The following FGD1 variants were observed in gnomAD, a reference collection of about 807,000 sequenced individuals.
FGD1 encodes the protein FYVE, RhoGEF and PH domain-containing protein 1.
In FGD1, 12 loss-of-function variants were observed where a neutral mutation model predicts 65.0. The observed-to-expected ratio is 0.18, with a 90% CI of 0.12 to 0.30. The LOEUF is 0.30. FGD1 is among the 10% of genes least tolerant of loss of function. The probability of loss-of-function intolerance (pLI) is 1.00; values close to 1 mark genes in which losing one functional copy is unlikely to be tolerated. For missense variants in FGD1, 542 were observed against 837.6 expected, an observed-to-expected ratio of 0.65 and a Z score of 4.36; for synonymous variants, 333 against 343.9, an observed-to-expected ratio of 0.97 and a Z score of 0.35.
Position 54,448,499 on chromosome X carries a change from T to A in FGD1, c.2436+307A>T, listed in dbSNP as rs982306914. Among the ~76,000 whole-genome samples the A allele has an allele frequency of 4.5e-5, 5 of 112,244 alleles. No individual in the cohort carries two copies. In the East Asian group the frequency reaches 8.4e-4, roughly 19 times the overall value. ...CTGTGCCCAGCCAATTTTTTAATTT[T>A]AAAAAAATCCAGTGCTGCCACTCAT... is the stretch of plus-strand genomic sequence containing the variant. On this transcript the variant is annotated intron_variant, in intron 16 of 17. Transcript: ENST00000375135.
At chrX:54,483,620 C>T (rs1417764081) in intron 1 of FGD1, among the ~76,000 whole-genome samples, 1 of 112,260 alleles carries the variant, frequency 8.9e-6, no homozygotes, top group African/African-American at 3.2e-5. Context: ...TGCCCTTACT[C>T]TGGGACCCAG....
At chrX:54,488,269 CAAAAAAAAAAAAAAAAAAAA>C (rs57920117) in intron 1 of FGD1, among the ~76,000 whole-genome samples, 2 of 5,464 alleles carry the variant, frequency 3.7e-4, no homozygotes, top group East Asian at 0.022. Flanking sequence ...GACTCAGTCT[CAAAAAAAAAAAAAAAAAAAA>C]AAAAAAAAAA....
rs1199628496 is a variant in FGD1, at chrX:54,488,384, C to G, written c.307+6742G>C. On this transcript the variant is annotated intron_variant, in intron 1 of 17. Coordinates refer to ENST00000375135, the MANE Select transcript of FGD1 (RefSeq NM_004463.3). ...GTGGATCACGAGGTCAGGAGATCAACACCACCCTGGCTAACACGGTGAAAC... is the reference window on the plus strand; with the variant it reads ...GTGGATCACGAGGTCAGGAGATCAAGACCACCCTGGCTAACACGGTGAAAC... Among the ~76,000 whole-genome samples the G allele has an allele frequency of 4.8e-5, 5 of 103,528 alleles. No individual in the cohort carries two copies. The East Asian group carries it at 1.6e-3, about 33-fold the overall frequency. The allele number at this position is 103,528 out of a possible 115,157, so 89.9% of individuals were successfully genotyped here.
At chrX:54,482,934 G>T (rs1407795403) in intron 1 of FGD1, among the ~76,000 whole-genome samples, 1 of 112,153 alleles carries the variant, frequency 8.9e-6, no homozygotes, top group Non-Finnish European at 1.9e-5. Flanking sequence ...AATGTGCCAT[G>T]CCAAGGGCTG....
chrX:54,482,387 G>A (rs189900189), intron 1 of FGD1, among the ~76,000 whole-genome samples: 7 of 111,943 alleles, frequency 6.3e-5, no homozygotes, highest in African/African-American at 2.3e-4. Flanking sequence ...AGAGGATAGG[G>A]GGCGGTAGCT....
chrX:54,484,849 C>T (rs1246156112), intron 1 of FGD1, among the ~76,000 whole-genome samples: 1 of 113,210 alleles, frequency 8.8e-6, no homozygotes, highest in African/African-American at 3.2e-5. Flanking sequence ...TCATTCCAGA[C>T]AGGTCCTAGC....
At chrX:54,456,638 G>GTTT in intron 8 of FGD1, 71 bp from the exon 9 acceptor site, 23 of 735,352 alleles carry the variant, frequency 3.1e-5, no homozygotes, top group Non-Finnish European at 3.8e-5. Flanking sequence ...TTTGTTTTTT[G>GTTT]TTTTTTTTTT....
At chrX:54,447,781 T>C (rs953179407) in intron 16 of FGD1, among the ~76,000 whole-genome samples, 2 of 112,416 alleles carry the variant, frequency 1.8e-5, no homozygotes, top group Non-Finnish European at 3.8e-5. Flanking sequence ...TTTTTCTGTC[T>C]TTCATCACAT....
chrX:54,495,292 G>A lies in FGD1; in HGVS notation c.141C>T (p.Gly47=). The A allele has an allele frequency of 8.5e-7, 1 of 1,183,336 alleles. No individual in the cohort carries two copies. Among genetic ancestry groups the A allele is most frequent in the Non-Finnish European group, 1.1e-6 (1 of 882,682 alleles). The change falls in exon 1 of 18, where the codon GGC becomes GGT. Residue 47 remains glycine, a synonymous_variant. Coordinates refer to ENST00000375135, the MANE Select transcript of FGD1 (RefSeq NM_004463.3). The stretch of plus-strand genomic sequence containing the variant: ...GTGGGCCGCCAAGAGCCGAACCTGA[G>A]CCCCTGCGCGCCAGCAGTCCGGGTT... ...ASEPGLLARR[G]SGSALGGPLD... is the part of the protein sequence containing the mutation.
At chrX:54,461,700 T>C (rs1264582970) in intron 8 of FGD1, among the ~76,000 whole-genome samples, 4 of 108,358 alleles carry the variant, frequency 3.7e-5, no homozygotes. Flanking sequence ...CTGGAATCTC[T>C]GTCTGGAGCT....
At chrX:54,448,995 C>T (rs1922311084) in intron 15 of FGD1, 28 bp from the exon 16 acceptor site, 2 of 1,206,396 alleles carry the variant, frequency 1.7e-6, no homozygotes, top group Non-Finnish European at 2.2e-6. Flanking sequence ...CAAGAGTAGC[C>T]TGATTCCAGC....
intron 6 of FGD1, among the ~76,000 whole-genome samples, chrX:54,467,511 C>A (rs867006528): frequency 9.1e-6 from 1 of 110,385 alleles, no homozygotes; most frequent in African/African-American, 3.3e-5. Context: ...CGTGCCATCA[C>A]GCCAGGATAA....
chrX:54,477,963 C>A (rs1364633122), intron 1 of FGD1, among the ~76,000 whole-genome samples: 1 of 108,208 alleles, frequency 9.2e-6, no homozygotes, highest in Non-Finnish European at 1.9e-5. Flanking sequence ...ACTAAAAATA[C>A]AAAAATTAGC....
rs769580818 is a variant in FGD1, at chrX:54,464,643, C to CG, written c.1636+807dup. On this transcript the variant is annotated intron_variant, in intron 8 of 17. Coordinates refer to ENST00000375135, the MANE Select transcript of FGD1 (RefSeq NM_004463.3). ...TCTGGGGAAGAGAAAGTGGGGTAGG[C>CG]GGGGGGAGCTCTATCTGGGGTGTGG... Among the ~76,000 whole-genome samples the CG allele has an allele frequency of 1.4e-3, 158 of 109,846 alleles. 1 individual carries two copies. The highest frequency in any genetic ancestry group is 4.8e-3 in the African/African-American group (146 of 30,174).
chrX:54,467,353 T>C (rs1922785852), intron 6 of FGD1, among the ~76,000 whole-genome samples: 1 of 103,845 alleles, frequency 9.6e-6, no homozygotes, highest in African/African-American at 3.4e-5. Context: ...TTCTTTTTTC[T>C]TTTTCTTTTT....
chrX:54,492,037 A>C (rs1276785281), intron 1 of FGD1, among the ~76,000 whole-genome samples: 2 of 110,764 alleles, frequency 1.8e-5, no homozygotes, highest in African/African-American at 6.6e-5. Flanking sequence ...TCTAGGCCTC[A>C]ACCCTGAGGA....
intron 1 of FGD1, among the ~76,000 whole-genome samples, chrX:54,486,677 G>A (rs1009374475): frequency 4.7e-5 from 5 of 106,229 alleles, no homozygotes; most frequent in Non-Finnish European, 9.7e-5. Context: ...CACCGTGCCC[G>A]GTCGATTTTA....
At chrX:54,471,213 C>A (rs1375803431) in intron 2 of FGD1, 101 bp downstream of exon 2, 21 of 960,496 alleles carry the variant, frequency 2.2e-5, no homozygotes, top group Non-Finnish European at 2.9e-5. Context: ...TGGTGGCTCC[C>A]TATCCTTCTA....
chrX:54,452,857 G>A (rs1922413043), intron 12 of FGD1, among the ~76,000 whole-genome samples: 1 of 111,498 alleles, frequency 9.0e-6, no homozygotes, highest in Non-Finnish European at 1.9e-5. Context: ...CTCTGCAGGT[G>A]GGTCCCAGGC....
Sources: allele counts gnomAD v4.1 joint callset (sites outside exome capture counted in the v4.1 genomes callset), GRCh38; gene constraint gnomAD v4.1.1; transcripts MANE v1.5; gene names NCBI Gene and HGNC (gene_info 2026-07-23, HGNC 2026-07-21).